The following FADS1 variants were observed in gnomAD, a reference collection of about 807,000 sequenced individuals.
The protein encoded by FADS1 is fatty acid desaturase 1.
A neutral mutation model predicts 61.6 loss-of-function variants in FADS1; 17 were observed. The observed-to-expected ratio is 0.28, with a 90% CI of 0.19 to 0.41. The LOEUF (loss-of-function observed/expected upper bound fraction) is 0.41. Ranked by LOEUF, FADS1 falls within the 10% of genes least tolerant of loss-of-function variation. FADS1 has a pLI of 1.00. For missense variants in FADS1, 387 were observed against 650.9 expected (o/e 0.59, Z 4.41); for synonymous variants, 238 against 258.7 (o/e 0.92, Z 0.77).
At chr11:61,810,623 G>T in intron 5 of FADS1, 128 bp downstream of exon 5, 3 of 1,235,554 alleles carry the variant, frequency 2.4e-6, no homozygotes, top group Non-Finnish European at 3.4e-6. Context: ...TTCCAAAATG[G>T]CAAAAGCCCC....
chr11:61,807,945 C>T (rs111963876), intron 5 of FADS1, among the ~76,000 whole-genome samples: 20 of 152,286 alleles, frequency 1.3e-4, no homozygotes, highest in East Asian at 3.9e-4. Flanking sequence ...TACTGTGTGC[C>T]GGGCTATGTT....
chr11:61,807,240 G>T (rs892354562), intron 5 of FADS1, among the ~76,000 whole-genome samples: 1 of 152,120 alleles, frequency 6.6e-6, no homozygotes, highest in Non-Finnish European at 1.5e-5. Context: ...AGCTAATTTT[G>T]TATTTTTAGT....
chr11:61,814,590 T>G (rs1290139939), intron 1 of FADS1: 1 of 152,204 alleles, frequency 6.6e-6, no homozygotes, highest in Non-Finnish European at 1.5e-5. Flanking sequence ...CAGCAAGGTT[T>G]AGTGTGACGA....
chr11:61,805,302 A>G (rs1024968645), intron 6 of FADS1: 4 of 155,152 alleles, frequency 2.6e-5, no homozygotes, highest in African/African-American at 9.6e-5. Context: ...TGTGAAGCTC[A>G]CTTCCTTAAA....
chr11:61,811,138 C>G (rs1157113769), intron 3 of FADS1, 63 bp from the exon 4 acceptor site: 5 of 1,214,628 alleles, frequency 4.1e-6, no homozygotes, highest in East Asian at 2.3e-5. Context: ...TCACTGACCT[C>G]GATGCCTCCT....
chr11:61,815,396 G>C lies in FADS1; in HGVS notation c.375+1159C>G, dbSNP rs1268205201. On this transcript the variant is annotated intron_variant, in intron 1 of 11. Coordinates refer to ENST00000350997, the MANE Select transcript of FADS1 (RefSeq NM_013402.7). The surrounding 1 kb of genome is among the most constrained non-coding windows in gnomAD (Gnocchi z 6.4). ...TGGCCTCGCCCACTAGGCTGGTCGC[G>C]TCAGAGGGTGGGGCGGGTCTTCGCC... 6.6e-6 allele frequency: 1 copy of C among 152,532 alleles called. No individual in the cohort carries two copies. The highest frequency in any genetic ancestry group is 2.4e-5 in the African/African-American group (1 of 41,478). 9.4% of individuals were successfully genotyped at this position (152,532 alleles called of 1,614,324 possible). A position where few individuals can be genotyped will look rare whatever the true frequency, so the allele number is the denominator to read the frequency against.
chr11:61,804,664 T>G (rs2066881171), intron 7 of FADS1, 21 bp downstream of exon 7: 1 of 1,608,468 alleles, frequency 6.2e-7, no homozygotes, highest in Non-Finnish European at 8.5e-7. Context: ...GATGTGGGCT[T>G]CTTGGGCCAT....
chr11:61,816,425 A>G lies in FADS1; in HGVS notation c.375+130T>C. The G allele has an allele frequency of 6.3e-7, 1 of 1,598,830 alleles. No individual in the cohort carries two copies. The highest frequency in any genetic ancestry group is 8.5e-7 in the Non-Finnish European group (1 of 1,179,804). On this transcript the variant is annotated intron_variant, in intron 1 of 11. Transcript: ENST00000350997. The surrounding 1 kb of genome is among the most constrained non-coding windows in gnomAD (Gnocchi z 7.0). The stretch of plus-strand genomic sequence containing the variant: ...GCAGGACACCCAATCACCGGGCAAC[A>G]GGTATGATCAGGCGCCTCCGGGCTT...
In FADS1 at chr11:61,813,032, G is replaced by A. The variant is rs185249513; in HGVS notation, c.486+211C>T. Among the ~76,000 whole-genome samples, 1,081 of 152,286 alleles carry A rather than the reference G, an allele frequency of 7.1e-3. 15 individuals carry two copies. The highest frequency in any genetic ancestry group is 0.03 in the Admixed American group (453 of 15,302). ...TAACAATGATGGCAGCCATGGTAGT[G>A]GCAGCCTTGGGGGAGCCATAGGTTG... On this transcript the variant is annotated intron_variant, in intron 2 of 11. Coordinates refer to ENST00000350997, the MANE Select transcript of FADS1 (RefSeq NM_013402.7).
rs2066984333 is a variant in FADS1 at position 61,816,437 on chromosome 11, G to A, written c.375+118C>T. On this transcript the variant is annotated intron_variant, in intron 1 of 11. Transcript: ENST00000350997. The surrounding 1 kb of genome is among the most constrained non-coding windows in gnomAD (Gnocchi z 7.0). ...ATCACCGGGCAACAGGTATGATCAG[G>A]CGCCTCCGGGCTTTCCTCCGAATTA... 1 of 1,599,036 alleles carries A rather than the reference G, an allele frequency of 6.3e-7. No homozygotes were observed. The highest frequency in any genetic ancestry group is 1.3e-5 in the African/African-American group (1 of 74,928).
intron 3 of FADS1, 129 bp downstream of exon 3, chr11:61,812,338 GCACT>G (rs1197238885): frequency 4.2e-6 from 3 of 722,034 alleles, no homozygotes; most frequent in African/African-American, 3.5e-5. Flanking sequence ...GCATGTTCCT[GCACT>G]CACTCCTGCA....
intron 7 of FADS1, chr11:61,804,298 G>A (rs939678980): frequency 4.6e-6 from 1 of 215,736 alleles, no homozygotes; most frequent in African/African-American, 2.3e-5. Context: ...GCCAGGTGCA[G>A]TCAGGCCCCT....
In FADS1 at chr11:61,803,655, C is replaced by T; in HGVS notation, c.1151+15G>A. ...TTTCCTTCACCAGTCCCTATCCGCC[C>T]CCACCGAATACTACCTGACTATGAA... On this transcript the variant is annotated intron_variant, in intron 8 of 11. Coordinates refer to ENST00000350997, the MANE Select transcript of FADS1 (RefSeq NM_013402.7). The surrounding 1 kb of genome is among the most constrained non-coding windows in gnomAD (Gnocchi z 4.3). 10 of 1,592,866 alleles carry T rather than the reference C, an allele frequency of 6.3e-6. No individual in the cohort carries two copies. Among genetic ancestry groups the T allele is most frequent in the Non-Finnish European group, 8.6e-6 (10 of 1,160,626 alleles).
At chr11:61,812,761 G>T in intron 2 of FADS1, 93 bp from the exon 3 acceptor site, 1 of 1,160,824 alleles carries the variant, frequency 8.6e-7, no homozygotes, top group Non-Finnish European at 1.3e-6. Context: ...ACCTCCCACT[G>T]AGGTAGCTGT....
At chr11:61,811,736 C>T in intron 3 of FADS1, 3 of 317,110 alleles carry the variant, frequency 9.5e-6, no homozygotes, top group South Asian at 7.0e-5. Context: ...ATTACAGGCA[C>T]CCACCACCAC....
intron 5 of FADS1, among the ~76,000 whole-genome samples, chr11:61,809,059 T>C (rs983725828): frequency 5.3e-5 from 8 of 152,216 alleles, no homozygotes; most frequent in African/African-American, 1.9e-4. Flanking sequence ...CCCTACATGA[T>C]CTGGCCCCTC....
chr11:61,812,443 G>A (rs1469157155), intron 3 of FADS1, 28 bp downstream of exon 3: 2 of 1,607,434 alleles, frequency 1.2e-6, no homozygotes, highest in South Asian at 2.2e-5. Context: ...GAGCATTGCT[G>A]TGCACTTGAC....
intron 3 of FADS1, chr11:61,811,854 C>T (rs1364452259): frequency 2.2e-6 from 1 of 446,878 alleles, no homozygotes; most frequent in Non-Finnish European, 4.5e-6. Context: ...TCCCAAGGTA[C>T]TGGTATTACA....
chr11:61,811,909 T>G (rs116878346), intron 3 of FADS1: 10,694 of 427,744 alleles, frequency 0.025, 237 homozygotes, highest in Non-Finnish European at 0.029. Context: ...TTAGTAGAGG[T>G]TTCACCACGT....
Sources: gnomAD v4.1 joint callset for allele counts (sites outside exome capture counted in the v4.1 genomes callset) on GRCh38, gnomAD v4.1.1 for gene constraint, Gnocchi (gnomAD v3.1) non-coding constraint, MANE v1.5 for transcripts, NCBI Gene and HGNC (gene_info 2026-07-23, HGNC 2026-07-21) for gene names.